Variants in GBP6 observed in about 807,000 individuals in gnomAD.
The protein encoded by GBP6 is guanylate-binding protein 6.
Under a neutral mutation model 61.5 loss-of-function variants are expected in GBP6, and 54 were observed. The ratio of observed to expected loss-of-function variants is 0.88; its 90% CI spans 0.71 to 1.10. GBP6 has a LOEUF of 1.10. Among genes scored for constraint, GBP6 ranks in the 50% least tolerant of loss-of-function variants. The pLI is 0.00. For missense variants in GBP6, 748 were observed against 752.8 expected (o/e 0.99, Z 0.07); for synonymous variants, 255 against 273.7 (o/e 0.93, Z 0.67).
At chr1:89,366,665 A>G (rs1040618948) in intron 1 of GBP6, among the ~76,000 whole-genome samples, 2 of 152,230 alleles carry the variant, frequency 1.3e-5, no homozygotes, top group African/African-American at 2.4e-5. Context: ...CCGATTATCC[A>G]GGCTTTTGTC....
chr1:89,382,651 A>T lies in GBP6; in HGVS notation c.1153-13A>T. Reference sequence around the variant, plus strand: ...GTTTCTTCTGGTGACATCTCTCTACATTTCCCTTGCAGGAAACCACAATGA... The same window carrying T: ...GTTTCTTCTGGTGACATCTCTCTACTTTTCCCTTGCAGGAAACCACAATGA... On this transcript the variant is annotated splice_polypyrimidine_tract_variant and intron_variant, in intron 7 of 10. Coordinates refer to ENST00000370456, the MANE Select transcript of GBP6 (RefSeq NM_198460.3). 2 of 1,609,692 alleles carry T rather than the reference A, an allele frequency of 1.2e-6. No homozygotes were observed. Among genetic ancestry groups the T allele is most frequent in the Non-Finnish European group, 1.7e-6 (2 of 1,176,122 alleles).
chr1:89,381,514 T>C (rs1187446771), intron 6 of GBP6, among the ~76,000 whole-genome samples, 180 bp from the exon 7 acceptor site: 2 of 152,084 alleles, frequency 1.3e-5, no homozygotes, highest in African/African-American at 2.4e-5. Flanking sequence ...ATCCATAAAA[T>C]TGAAGAGTCA....
intron 3 of GBP6, among the ~76,000 whole-genome samples, chr1:89,371,660 A>G (rs142739862): frequency 0.011 from 1,691 of 152,330 alleles, 45 homozygotes; most frequent in African/African-American, 0.038. Context: ...GATGGGACGT[A>G]TTTCAAAATA....
chr1:89,369,660 G>T lies in GBP6; in HGVS notation c.305G>T (p.Gly102Val). 1 of 1,613,926 alleles carries T rather than the reference G, an allele frequency of 6.2e-7. No individual in the cohort carries two copies. The highest frequency in any genetic ancestry group is 8.5e-7 in the Non-Finnish European group (1 of 1,179,888). The change falls in exon 3 of 11, where the codon GGC becomes GTC. Residue 102 changes from glycine to valine, a missense_variant. Gly to Val is a moderately radical substitution (Grantham distance 109, BLOSUM62 -3). Coordinates refer to ENST00000370456, the MANE Select transcript of GBP6 (RefSeq NM_198460.3). ...GTCCTTCTGGACACCGAAGGTCTGG[G>T]CGATGTGGAAAAGGTAAGACAGAGA... The part of the protein sequence containing the change: ...TLVLLDTEGL[G>V]DVEKGDPKND...
intron 1 of GBP6, among the ~76,000 whole-genome samples, chr1:89,368,038 A>T (rs905529937): frequency 2.6e-5 from 4 of 152,166 alleles, no homozygotes; most frequent in African/African-American, 9.7e-5. Context: ...CCATTTTTTT[A>T]AAGTTGTTTT....
chr1:89,382,611 TTTCATCTCCTCCATGTTTCTTCTGG>T, intron 7 of GBP6, 28 bp from the exon 8 acceptor site: 1 of 1,458,344 alleles, frequency 6.9e-7, no homozygotes, highest in Non-Finnish European at 9.6e-7. Context: ...TTCTTTAGAA[TTTCATCTCCTCCATGTTTCTTCTGG>T]TGACATCTCT....
At position 89,368,878 on chromosome 1, in the gene GBP6, A is replaced by G. The variant is rs1570460154; in HGVS notation, c.190+137A>G. Reference sequence around the variant, plus strand: ...CAACCTTCTCATTCCAATTCTTACCACCAAACCACTACCTTACGATAATCC... The same window carrying G: ...CAACCTTCTCATTCCAATTCTTACCGCCAAACCACTACCTTACGATAATCC... On this transcript the variant is annotated intron_variant, in intron 2 of 10. Coordinates refer to ENST00000370456, the MANE Select transcript of GBP6 (RefSeq NM_198460.3). 24 of 689,598 alleles carry G rather than the reference A, an allele frequency of 3.5e-5. No homozygotes were observed. In the East Asian group the frequency reaches 6.1e-4, roughly 17 times the overall value. 42.7% of individuals were successfully genotyped at this position (689,598 alleles called of 1,614,324 possible).
intron 6 of GBP6, 92 bp downstream of exon 6, chr1:89,380,723 G>A: frequency 1.7e-6 from 2 of 1,170,686 alleles, no homozygotes; most frequent in Admixed American, 2.2e-5. Flanking sequence ...ATTCCATATA[G>A]AAAAACTACG....
chr1:89,376,596 A>G (rs754172003), intron 3 of GBP6, among the ~76,000 whole-genome samples: 14 of 152,188 alleles, frequency 9.2e-5, no homozygotes, highest in Non-Finnish European at 1.8e-4. Context: ...CCAGCATCAT[A>G]CTATTTTGAC....
intron 2 of GBP6, 31 bp downstream of exon 2, chr1:89,368,772 G>GCTTGATTCCAGCTATATCTCAGCTT: frequency 6.3e-7 from 1 of 1,584,840 alleles, no homozygotes; most frequent in Non-Finnish European, 8.6e-7. Context: ...CAGGCCAGTT[G>GCTTGATTCCAGCTATATCTCAGCTT]CTTGATTCCA....
rs763280629 is a variant in GBP6 at position 89,381,783 on chromosome 1, C to T, written c.961C>T (p.Arg321Cys). ...LENAVITLAQ[R>C]ENSAAVQRAA... is the part of the protein sequence containing the mutation. ...GAATGCAGTGATAACTCTGGCCCAGCGTGAGAACTCAGCGGCCGTGCAGAG... is the reference window on the plus strand; with the variant it reads ...GAATGCAGTGATAACTCTGGCCCAGTGTGAGAACTCAGCGGCCGTGCAGAG... Residue 321 changes from arginine to cysteine, a missense_variant, in exon 7 of 11, where the codon CGT (arginine) becomes TGT (cysteine). Physicochemically the swap from Arg to Cys is radical, Grantham distance 180 (BLOSUM62 -3). Coordinates refer to ENST00000370456, the MANE Select transcript of GBP6 (RefSeq NM_198460.3). 6 of 1,614,122 alleles carry T rather than the reference C, an allele frequency of 3.7e-6. No homozygotes were observed. The highest frequency in any genetic ancestry group is 2.2e-5 in the East Asian group (1 of 44,872).
rs1398770356 is a variant in GBP6, at chr1:89,368,616, TGG to T, written c.66_67del (p.Leu22PhefsTer10). Reference sequence around the variant, plus strand: ...GTGGAAAATAACAATGAGCAGCTATTGGTGAACCAGCAAGCTATACAGATTCT... The same window carrying T: ...GTGGAAAATAACAATGAGCAGCTATTTGAACCAGCAAGCTATACAGATTCT... On this transcript the variant is annotated frameshift_variant, in exon 2 of 11. Transcript: ENST00000370456. LOFTEE classifies it high-confidence loss of function. 6.2e-7 allele frequency: 1 copy of T among 1,614,214 alleles called. No homozygotes were observed. The highest frequency in any genetic ancestry group is 2.2e-5 in the East Asian group (1 of 44,890).
At chr1:89,381,085 G>T (rs1169088885) in intron 6 of GBP6, among the ~76,000 whole-genome samples, 1 of 151,942 alleles carries the variant, frequency 6.6e-6, no homozygotes, top group Admixed American at 6.6e-5. Flanking sequence ...AGGAGTTTGA[G>T]ACCAGCCTGA....
At chr1:89,375,251 C>A (rs893569816) in intron 3 of GBP6, among the ~76,000 whole-genome samples, 3 of 151,828 alleles carry the variant, frequency 2.0e-5, no homozygotes, top group Non-Finnish European at 4.4e-5. Context: ...ATGTGGCCAA[C>A]AATCATATGA....
At chr1:89,378,634 C>G in intron 5 of GBP6, 21 bp downstream of exon 5, 1 of 1,589,602 alleles carries the variant, frequency 6.3e-7, no homozygotes, top group Admixed American at 1.7e-5. Flanking sequence ...GTGGCCTGGG[C>G]TGTGGGTGGT....
chr1:89,373,786 C>T (rs1444153270), intron 3 of GBP6, among the ~76,000 whole-genome samples: 1 of 151,866 alleles, frequency 6.6e-6, no homozygotes, highest in East Asian at 1.9e-4. Context: ...GCATGTTGTG[C>T]ACATGTACCC....
intron 3 of GBP6, among the ~76,000 whole-genome samples, chr1:89,371,544 G>C (rs1652641709): frequency 6.6e-6 from 1 of 152,090 alleles, no homozygotes; most frequent in South Asian, 2.1e-4. Context: ...AGCATAAAAA[G>C]AGAACCAAAC....
chr1:89,372,948 G>A (rs184592976), intron 3 of GBP6, among the ~76,000 whole-genome samples: 22 of 152,154 alleles, frequency 1.4e-4, no homozygotes, highest in Admixed American at 1.4e-3. Flanking sequence ...AATCTACAAT[G>A]AACTCAAACA....
In GBP6 at chr1:89,387,727, G is replaced by A. The variant is rs1234151810; in HGVS notation, c.*2258G>A. On this transcript the variant is annotated 3_prime_UTR_variant, in exon 11 of 11. Coordinates refer to ENST00000370456, the MANE Select transcript of GBP6 (RefSeq NM_198460.3). ...GCAGGCAGATCACTTGAGGTCAGAA[G>A]TTTGAGACCAGCCTGGCCAACATGG... Among the ~76,000 whole-genome samples, 2 of 152,228 alleles carry A rather than the reference G, an allele frequency of 1.3e-5. No individual in the cohort carries two copies. Among genetic ancestry groups the A allele is most frequent in the Non-Finnish European group, 2.9e-5 (2 of 68,040 alleles).
Sources: allele counts gnomAD v4.1 joint callset (sites outside exome capture counted in the v4.1 genomes callset), GRCh38; gene constraint gnomAD v4.1.1; transcripts MANE v1.5; gene names NCBI Gene and HGNC (gene_info 2026-07-23, HGNC 2026-07-21).